The following UTRN variants were observed in gnomAD, a reference collection of about 807,000 sequenced individuals.
UTRN encodes utrophin, also known as dystrophin-related protein 1.
Under a neutral mutation model 463.9 loss-of-function variants are expected in UTRN, and 283 were observed. The observed-to-expected ratio is 0.61, with a 90% CI of 0.55 to 0.67. The LOEUF (loss-of-function observed/expected upper bound fraction) is 0.67, where lower values mean the gene tolerates loss of function less well. UTRN is among the 30% of genes least tolerant of loss of function. The pLI, the probability that UTRN is intolerant of heterozygous loss-of-function variation, is 0.00. For synonymous variants in UTRN, 1,442 were observed against 1,431.5 expected, an observed-to-expected ratio of 1.01 and a Z score of -0.17; for missense variants, 3,922 against 4,084.3, an observed-to-expected ratio of 0.96 and a Z score of 1.08.
At chr6:144,605,291 G>A (rs1161585275) in intron 51 of UTRN, among the ~76,000 whole-genome samples, 3 of 151,964 alleles carry the variant, frequency 2.0e-5, no homozygotes, top group African/African-American at 7.3e-5. Context: ...AAATTTTATA[G>A]CACATCTGCC....
chr6:144,537,897 A>G (rs1486320088), intron 44 of UTRN, among the ~76,000 whole-genome samples, 180 bp downstream of exon 44: 1 of 152,212 alleles, frequency 6.6e-6, no homozygotes, highest in Non-Finnish European at 1.5e-5. Flanking sequence ...TTGGTCTTGC[A>G]GAGCTTAAAC....
At chr6:144,294,599 G>A (rs1024699514) in intron 2 of UTRN, among the ~76,000 whole-genome samples, 1 of 151,338 alleles carries the variant, frequency 6.6e-6, no homozygotes, top group African/African-American at 2.4e-5. Context: ...TCTTTTTTGG[G>A]GGGAAATTGG....
intron 17 of UTRN, 29 bp from the exon 18 acceptor site, chr6:144,451,341 C>G: frequency 6.3e-7 from 1 of 1,594,454 alleles, no homozygotes; most frequent in Non-Finnish European, 8.5e-7. Context: ...GGAAACATGA[C>G]AAATGGTCAC....
At chr6:144,723,622 T>A (rs947932032) in intron 53 of UTRN, among the ~76,000 whole-genome samples, 10 of 152,044 alleles carry the variant, frequency 6.6e-5, no homozygotes, top group Admixed American at 3.9e-4. Flanking sequence ...AACACTGAGG[T>A]GGGAGCAGCC....
chr6:144,744,757 A>T (rs1428131750), intron 54 of UTRN, among the ~76,000 whole-genome samples: 1 of 152,116 alleles, frequency 6.6e-6, no homozygotes, highest in Non-Finnish European at 1.5e-5. Flanking sequence ...CTCTAGCATT[A>T]GCCTCTATTA....
In UTRN at chr6:144,379,695, C is replaced by T. The variant is rs563196012; in HGVS notation, c.80-23428C>T. ...TCAGTGGGTGGGGAATTAAGCCCCC[C>T]GCTTGAATAGACAGCCACCAAATAA... On this transcript the variant is annotated intron_variant, in intron 2 of 74. Transcript: ENST00000367545. 9.2e-4 allele frequency among the ~76,000 whole-genome samples: 140 copies of T among 152,308 alleles called. 3 individuals carry two copies. The highest frequency in any genetic ancestry group is 2.8e-4 in the Non-Finnish European group (19 of 68,016).
intron 62 of UTRN, 38 bp from the exon 63 acceptor site, chr6:144,793,796 T>C (rs899634167): frequency 6.2e-7 from 1 of 1,603,582 alleles, no homozygotes; most frequent in African/African-American, 1.3e-5. Context: ...AAGAACATGG[T>C]AGACAGATGA....
intron 41 of UTRN, among the ~76,000 whole-genome samples, chr6:144,524,904 G>C (rs138293577): frequency 1.8e-3 from 281 of 152,210 alleles, no homozygotes; most frequent in Non-Finnish European, 3.4e-3. Flanking sequence ...AATCATAAAG[G>C]GATGCTAGAT....
At chr6:144,836,739 C>A (rs1292850320) in intron 71 of UTRN, 198 bp downstream of exon 71, 1 of 801,026 alleles carries the variant, frequency 1.2e-6, no homozygotes, top group Non-Finnish European at 1.9e-6. Context: ...ATGTGTTTGC[C>A]CAGCTTACAA....
intron 51 of UTRN, among the ~76,000 whole-genome samples, chr6:144,653,044 G>A (rs1354211567): frequency 1.3e-5 from 2 of 151,692 alleles, no homozygotes; most frequent in African/African-American, 4.8e-5. Flanking sequence ...TAGAAACACA[G>A]GCTGTGGTGA....
intron 2 of UTRN, among the ~76,000 whole-genome samples, chr6:144,394,937 G>A (rs995381559): frequency 6.6e-6 from 1 of 151,974 alleles, no homozygotes; most frequent in African/African-American, 2.4e-5. Context: ...AAAGTCTGAA[G>A]GTCAAATCAC....
At chr6:144,767,309 T>C (rs1427579532) in intron 58 of UTRN, among the ~76,000 whole-genome samples, 2 of 152,142 alleles carry the variant, frequency 1.3e-5, no homozygotes, top group African/African-American at 4.8e-5. Flanking sequence ...ATTGAGCTGA[T>C]CCAGGCCTGG....
At chr6:144,722,582 C>A (rs912397864) in intron 53 of UTRN, among the ~76,000 whole-genome samples, 1 of 152,118 alleles carries the variant, frequency 6.6e-6, no homozygotes, top group African/African-American at 2.4e-5. Flanking sequence ...TAGACTGTGA[C>A]ACCGTGATGT....
chr6:144,342,286 A>C (rs1372424092), intron 2 of UTRN, among the ~76,000 whole-genome samples: 1 of 151,868 alleles, frequency 6.6e-6, no homozygotes, highest in Non-Finnish European at 1.5e-5. Context: ...AGTTCTTCCA[A>C]AGGTTAAGCA....
At chr6:144,467,420 A>G (rs1790070095) in intron 23 of UTRN, among the ~76,000 whole-genome samples, 1 of 152,162 alleles carries the variant, frequency 6.6e-6, no homozygotes, top group African/African-American at 2.4e-5. Flanking sequence ...TGAGGGTTGG[A>G]TCCCTGTCAG....
chr6:144,798,862 C>T (rs1436161435), intron 64 of UTRN, among the ~76,000 whole-genome samples: 1 of 152,246 alleles, frequency 6.6e-6, no homozygotes, highest in Non-Finnish European at 1.5e-5. Context: ...CTGCCTCGGC[C>T]TCCCGAGTAG....
At chr6:144,527,532 A>T (rs1025517555) in intron 41 of UTRN, among the ~76,000 whole-genome samples, 1 of 152,120 alleles carries the variant, frequency 6.6e-6, no homozygotes, top group African/African-American at 2.4e-5. Flanking sequence ...TTGTATTTGG[A>T]TATCTAGATC....
At chr6:144,491,190 G>C in intron 32 of UTRN, 88 bp downstream of exon 32, 2 of 1,278,288 alleles carry the variant, frequency 1.6e-6, no homozygotes, top group South Asian at 1.5e-5. Context: ...AGTGTGTCCA[G>C]TGATCACTAG....
At chr6:144,426,544 C>A in intron 7 of UTRN, 85 bp downstream of exon 7, 1 of 1,372,732 alleles carries the variant, frequency 7.3e-7, no homozygotes, top group Non-Finnish European at 9.7e-7. Flanking sequence ...CTCCCTGAAG[C>A]CCCTTCTCCA....
Sources: gnomAD v4.1 joint callset for allele counts (sites outside exome capture counted in the v4.1 genomes callset) on GRCh38, gnomAD v4.1.1 for gene constraint, MANE v1.5 for transcripts, NCBI Gene and HGNC (gene_info 2026-07-23, HGNC 2026-07-21) for gene names.